Variants in STOM observed in about 807,000 individuals in gnomAD.
STOM encodes the protein stomatin.
In STOM, 25 loss-of-function variants were observed where a neutral mutation model predicts 30.6. That is an observed-to-expected ratio of 0.82 (90% CI 0.60 to 1.14). The LOEUF is 1.14. Among genes scored for constraint, STOM ranks in the 50% most tolerant of loss-of-function variants. The pLI, the probability that STOM is intolerant of heterozygous loss-of-function variation, is 0.00. For missense variants in STOM, 292 were observed against 365.2 expected, an observed-to-expected ratio of 0.80 and a Z score of 1.63; for synonymous variants, 118 against 130.8, an observed-to-expected ratio of 0.90 and a Z score of 0.67.
chr9:121,340,772 C>A lies in STOM; in HGVS notation c.*430G>T. ...TCTCAGAAAAAAAAAAAAAAAGACTCTCTGGAGGTAAGGCACATATGACCT... is the reference window on the plus strand; with the variant it reads ...TCTCAGAAAAAAAAAAAAAAAGACTATCTGGAGGTAAGGCACATATGACCT... On this transcript the variant is annotated 3_prime_UTR_variant, in exon 7 of 7. Transcript: ENST00000286713. 1 of 996,882 alleles carries A rather than the reference C, an allele frequency of 1.0e-6. No homozygotes were observed. Among genetic ancestry groups the A allele is most frequent in the East Asian group, 1.0e-4 (1 of 9,662 alleles). The allele number at this position is 996,882 out of a possible 1,614,324, so 61.8% of individuals were successfully genotyped here. A position where few individuals can be genotyped will look rare whatever the true frequency, so the allele number is the denominator to read the frequency against.
chr9:121,339,565 T>C lies in STOM; in HGVS notation c.*1637A>G, dbSNP rs2064228145. ...ACAGAGTGGTTGAGCTAAAGAGAGCTATAAAGGCTCGTGCTGGGAAAGAAA... is the reference window on the plus strand; with the variant it reads ...ACAGAGTGGTTGAGCTAAAGAGAGCCATAAAGGCTCGTGCTGGGAAAGAAA... On this transcript the variant is annotated 3_prime_UTR_variant, in exon 7 of 7. Transcript: ENST00000286713. 1 of 1,231,002 alleles carries C rather than the reference T, an allele frequency of 8.1e-7. No homozygotes were observed. The highest frequency in any genetic ancestry group is 1.6e-5 in the African/African-American group (1 of 64,390). The allele number at this position is 1,231,002 out of a possible 1,614,324, so 76.3% of individuals were successfully genotyped here.
chr9:121,342,867 C>T (rs113225682), intron 6 of STOM, among the ~76,000 whole-genome samples: 29 of 152,244 alleles, frequency 1.9e-4, no homozygotes, highest in African/African-American at 7.0e-4. Flanking sequence ...GAAGATCACT[C>T]GAGTAGTAGA....
At chr9:121,359,960 C>G (rs916835010) in intron 1 of STOM, among the ~76,000 whole-genome samples, 27 of 152,196 alleles carry the variant, frequency 1.8e-4, no homozygotes, top group African/African-American at 6.5e-4. Flanking sequence ...GTGACAGACA[C>G]AGGTCTAGGT....
intron 6 of STOM, 122 bp from the exon 7 acceptor site, chr9:121,341,530 G>T (rs2064247055): frequency 7.8e-7 from 1 of 1,274,682 alleles, no homozygotes; most frequent in South Asian, 1.4e-5. Flanking sequence ...GTATGCCAGA[G>T]TAGTTTTAAG....
chr9:121,358,771 G>A (rs995108549), intron 1 of STOM, among the ~76,000 whole-genome samples: 35 of 151,808 alleles, frequency 2.3e-4, no homozygotes, highest in African/African-American at 7.7e-4. Context: ...CCCTTTGTTC[G>A]GTTTTCAACG....
In STOM at chr9:121,339,708, C is replaced by T. The variant is rs915713524; in HGVS notation, c.*1494G>A. On this transcript the variant is annotated 3_prime_UTR_variant, in exon 7 of 7. Coordinates refer to ENST00000286713, the MANE Select transcript of STOM (RefSeq NM_004099.6). ...ATGCCAGGTTGCTCAGATTCACAGA[C>T]ATTTGCAAAACAGAAGATGTCTCCT... 18 of 1,231,144 alleles carry T rather than the reference C, an allele frequency of 1.5e-5. No individual in the cohort carries two copies. The highest frequency in any genetic ancestry group is 1.3e-4 in the Admixed American group (3 of 23,698). The allele number at this position is 1,231,144 out of a possible 1,614,324, so 76.3% of individuals were successfully genotyped here.
intron 1 of STOM, among the ~76,000 whole-genome samples, chr9:121,364,682 A>G (rs1309720581): frequency 6.6e-6 from 1 of 152,220 alleles, no homozygotes; most frequent in Non-Finnish European, 1.5e-5. Context: ...AAATATTTTA[A>G]GGATTTTCTG....
In STOM at chr9:121,369,963, C is replaced by T. The variant is rs1361371951; in HGVS notation, c.61+164G>A. 6.4e-6 allele frequency: 4 copies of T among 623,762 alleles called. No homozygotes were observed. In the East Asian group the frequency reaches 1.1e-4, roughly 18 times the overall value. The allele number at this position is 623,762 out of a possible 1,614,324, so 38.6% of individuals were successfully genotyped here. On this transcript the variant is annotated intron_variant, in intron 1 of 6. Coordinates refer to ENST00000286713, the MANE Select transcript of STOM (RefSeq NM_004099.6). ...TCCATCGTGACCTCAGTCTGCCAAA[C>T]AGGGTTCGTGATGCTCAGTTTACTA... is the stretch of plus-strand genomic sequence containing the variant.
At chr9:121,349,012 G>A (rs1180263564) in intron 5 of STOM, 108 bp downstream of exon 5, 8 of 1,264,106 alleles carry the variant, frequency 6.3e-6, no homozygotes, top group Non-Finnish European at 8.6e-6. Flanking sequence ...AAAAAAAAAC[G>A]GTCACAGACC....
At position 121,339,782 on chromosome 9, in the gene STOM, C is replaced by G; in HGVS notation, c.*1420G>C. 4.1e-6 allele frequency: 5 copies of G among 1,220,024 alleles called. No homozygotes were observed. Among genetic ancestry groups the G allele is most frequent in the Non-Finnish European group, 5.1e-6 (5 of 981,090 alleles). The allele number at this position is 1,220,024 out of a possible 1,614,324, so 75.6% of individuals were successfully genotyped here. The stretch of plus-strand genomic sequence containing the variant: ...TGTCCAGAGGAGCTGACCAGTTCCT[C>G]TTTCAGCATCAATATACATGATAGA... On this transcript the variant is annotated 3_prime_UTR_variant, in exon 7 of 7. Transcript: ENST00000286713.
chr9:121,352,866 G>A (rs1024808427), intron 4 of STOM, among the ~76,000 whole-genome samples: 4 of 152,118 alleles, frequency 2.6e-5, no homozygotes, highest in African/African-American at 9.7e-5. Flanking sequence ...AGGCCAGAAC[G>A]GATCACCTGA....
chr9:121,366,885 C>T (rs987633449), intron 1 of STOM, among the ~76,000 whole-genome samples: 5 of 150,516 alleles, frequency 3.3e-5, no homozygotes, highest in Admixed American at 6.6e-5. Flanking sequence ...TCCAGGAGTT[C>T]GAGACCAGCC....
chr9:121,369,230 T>C (rs2064536788), intron 1 of STOM, among the ~76,000 whole-genome samples: 1 of 152,242 alleles, frequency 6.6e-6, no homozygotes, highest in East Asian at 1.9e-4. Flanking sequence ...TGTCATGTTC[T>C]TTGAGGGGTC....
Position 121,357,424 on chromosome 9 carries a change from G to GATAT in STOM, c.62-1272_62-1269dup, listed in dbSNP as rs1156937416. On this transcript the variant is annotated intron_variant, in intron 1 of 6. Coordinates refer to ENST00000286713, the MANE Select transcript of STOM (RefSeq NM_004099.6). ...TAGTGTACACACCATATTTTTAAATGATATATATATATATATTTATTTATT... is the reference window on the plus strand; with the variant it reads ...TAGTGTACACACCATATTTTTAAATGATATATATATATATATATATTTATTTATT... Among the ~76,000 whole-genome samples, 139 of 95,354 alleles carry GATAT rather than the reference G, an allele frequency of 1.5e-3. 4 individuals are homozygous for GATAT. The highest frequency in any genetic ancestry group is 3.7e-3 in the Admixed American group (29 of 7,784). 62.6% of individuals were successfully genotyped at this position (95,354 alleles called of 152,430 possible).
At chr9:121,369,656 G>C (rs1230501648) in intron 1 of STOM, among the ~76,000 whole-genome samples, 1 of 152,134 alleles carries the variant, frequency 6.6e-6, no homozygotes, top group Non-Finnish European at 1.5e-5. Context: ...TAAGTTTCGG[G>C]AGGTGGGATT....
intron 4 of STOM, among the ~76,000 whole-genome samples, chr9:121,351,761 A>G (rs1321637282): frequency 6.6e-6 from 1 of 152,224 alleles, no homozygotes; most frequent in African/African-American, 2.4e-5. Context: ...CCTTTGTTTC[A>G]CTGCAACTAT....
chr9:121,355,836 T>G (rs961623205), intron 2 of STOM, among the ~76,000 whole-genome samples: 9 of 152,150 alleles, frequency 5.9e-5, no homozygotes, highest in African/African-American at 2.2e-4. Flanking sequence ...GAAACTTACT[T>G]TAGCCCACGG....
chr9:121,358,811 C>T (rs1237974162), intron 1 of STOM, among the ~76,000 whole-genome samples: 2 of 152,152 alleles, frequency 1.3e-5, no homozygotes, highest in African/African-American at 4.8e-5. Context: ...AAATCAATTG[C>T]CTAAATTTCC....
chr9:121,358,665 T>C (rs531942299), intron 1 of STOM, among the ~76,000 whole-genome samples: 1 of 152,328 alleles, frequency 6.6e-6, no homozygotes, highest in South Asian at 2.1e-4. Flanking sequence ...TATGAATTTG[T>C]AAGTGCAATT....
Sources: allele counts gnomAD v4.1 joint callset (sites outside exome capture counted in the v4.1 genomes callset), GRCh38; gene constraint gnomAD v4.1.1; transcripts MANE v1.5; gene names NCBI Gene and HGNC (gene_info 2026-07-23, HGNC 2026-07-21).